DPP6: variants seen among roughly 807,000 people sequenced by gnomAD.
DPP6 encodes the protein A-type potassium channel modulatory protein DPP6.
A neutral mutation model predicts 122.6 loss-of-function variants in DPP6; 69 were observed. The observed-to-expected ratio is 0.56, with a 90% CI of 0.46 to 0.69. DPP6 has a LOEUF of 0.69. Among genes scored for constraint, DPP6 ranks in the 30% least tolerant of loss-of-function variants. DPP6 has a pLI of 0.00. For missense variants in DPP6, 928 were observed against 1,116.9 expected, an observed-to-expected ratio of 0.83 and a Z score of 2.41; for synonymous variants, 418 against 433.1, an observed-to-expected ratio of 0.97 and a Z score of 0.43.
chr7:153,937,629 A>T (rs562561086), intron 1 of DPP6, among the ~76,000 whole-genome samples: 2 of 151,880 alleles, frequency 1.3e-5, no homozygotes, highest in South Asian at 2.1e-4. Context: ...TGTATTTTTA[A>T]TAGAGATGGG....
chr7:154,794,341 G>T, intron 11 of DPP6, 139 bp downstream of exon 11: 1 of 1,360,444 alleles, frequency 7.4e-7, no homozygotes, highest in Middle Eastern at 2.7e-4. Flanking sequence ...GGAGCCCGCG[G>T]CGCAGAGTCC....
At chr7:154,621,530 A>G (rs976695276) in intron 5 of DPP6, among the ~76,000 whole-genome samples, 19 of 149,932 alleles carry the variant, frequency 1.3e-4, no homozygotes, top group South Asian at 4.2e-4. Context: ...CACCACACCC[A>G]GCTAATTTTT....
At position 154,801,338 on chromosome 7, in the gene DPP6, G is replaced by T. The variant is rs183713469; in HGVS notation, c.1300-17G>T. 2 of 1,568,700 alleles carry T rather than the reference G, an allele frequency of 1.3e-6. No individual in the cohort carries two copies. The highest frequency in any genetic ancestry group is 1.7e-6 in the Non-Finnish European group (2 of 1,155,044). On this transcript the variant is annotated splice_polypyrimidine_tract_variant and intron_variant, in intron 12 of 25. Transcript: ENST00000377770. ...TGATGTTTTAGTTGTGGTTTCATCC[G>T]TGGCCTTTGTCCACAGAATGAAGAA...
chr7:154,242,128 G>T (rs1801659530), intron 1 of DPP6, among the ~76,000 whole-genome samples: 1 of 152,116 alleles, frequency 6.6e-6, no homozygotes, highest in East Asian at 1.9e-4. Flanking sequence ...ACAACAAAGG[G>T]ACCTGTCATT....
intron 5 of DPP6, chr7:154,587,986 T>C (rs1453970717): frequency 1.2e-6 from 2 of 1,612,810 alleles, no homozygotes; most frequent in East Asian, 2.2e-5. Context: ...CTGTCCATTG[T>C]CATACGAGTG....
intron 1 of DPP6, among the ~76,000 whole-genome samples, chr7:154,106,829 G>C (rs1369414576): frequency 2.0e-5 from 3 of 152,106 alleles, no homozygotes; most frequent in Admixed American, 2.0e-4. Flanking sequence ...TCAGATCAGG[G>C]GCCTCCGGAA....
intron 1 of DPP6, among the ~76,000 whole-genome samples, chr7:153,989,202 T>C (rs1797013533): frequency 7.8e-6 from 1 of 127,420 alleles, no homozygotes; most frequent in Non-Finnish European, 1.6e-5. Flanking sequence ...AGTGGGTGGG[T>C]GGGTGTGAAA....
At chr7:153,889,810 G>A (rs1455277304) in intron 1 of DPP6, among the ~76,000 whole-genome samples, 2 of 152,126 alleles carry the variant, frequency 1.3e-5, no homozygotes, top group Non-Finnish European at 1.5e-5. Flanking sequence ...TTATTTGTGG[G>A]CCCAAGAAAA....
intron 1 of DPP6, among the ~76,000 whole-genome samples, chr7:154,021,199 C>T (rs1429834035): frequency 3.9e-5 from 6 of 152,148 alleles, no homozygotes; most frequent in East Asian, 3.9e-4. Flanking sequence ...ACTCTGCGAA[C>T]GTTTGCTGCT....
chr7:153,771,516 T>C, the DPP6 span, among the ~76,000 whole-genome samples: 1 of 152,118 alleles, frequency 6.6e-6, no homozygotes, highest in South Asian at 2.1e-4. Flanking sequence ...ATTTTTGTAT[T>C]TTTAGTAGAG....
the DPP6 span, among the ~76,000 whole-genome samples, chr7:153,835,254 A>G: frequency 6.6e-6 from 1 of 152,224 alleles, no homozygotes; most frequent in African/African-American, 2.4e-5. Flanking sequence ...GCTTTTAAGT[A>G]GCAGTGAACA....
chr7:154,307,339 T>G (rs11763405), intron 1 of DPP6, among the ~76,000 whole-genome samples: 1 of 152,128 alleles, frequency 6.6e-6, no homozygotes, highest in Non-Finnish European at 1.5e-5. Flanking sequence ...TAAACTGATA[T>G]AAAACTGAAG....
At chr7:154,563,869 G>C (rs989542576) in intron 4 of DPP6, among the ~76,000 whole-genome samples, 4 of 152,148 alleles carry the variant, frequency 2.6e-5, no homozygotes, top group Non-Finnish European at 5.9e-5. Context: ...GGTGGTCTGG[G>C]CTGGAGACAT....
chr7:154,830,254 T>A (rs1377336227), intron 16 of DPP6, among the ~76,000 whole-genome samples: 2 of 152,148 alleles, frequency 1.3e-5, no homozygotes, highest in Non-Finnish European at 2.9e-5. Context: ...CCATCTGGCT[T>A]CCTCTGTCTA....
intron 1 of DPP6, among the ~76,000 whole-genome samples, chr7:154,119,604 G>A (rs1408373362): frequency 1.2e-4 from 17 of 141,746 alleles, no homozygotes; most frequent in Admixed American, 2.2e-4. Context: ...TTGCAGGTGG[G>A]TCTCCAGACT....
chr7:154,883,393 C>A (rs1805618063), intron 21 of DPP6, among the ~76,000 whole-genome samples: 1 of 107,080 alleles, frequency 9.3e-6, no homozygotes, highest in African/African-American at 2.9e-5. Context: ...CCTGCTCACA[C>A]ACACACACAT....
At chr7:154,313,461 A>G (rs190755572) in intron 1 of DPP6, among the ~76,000 whole-genome samples, 231 of 152,056 alleles carry the variant, frequency 1.5e-3, no homozygotes, top group African/African-American at 5.2e-3. Context: ...ACGTGGCACG[A>G]GAGGCTCTTG....
At chr7:154,295,967 C>CA (rs1805513379) in intron 1 of DPP6, among the ~76,000 whole-genome samples, 1 of 127,532 alleles carries the variant, frequency 7.8e-6, no homozygotes, top group African/African-American at 3.0e-5. Context: ...TTTTTTGAGA[C>CA]AGAGTCTCTC....
At chr7:154,200,191 C>T (rs1463811320) in intron 1 of DPP6, among the ~76,000 whole-genome samples, 1 of 151,050 alleles carries the variant, frequency 6.6e-6, no homozygotes, top group Admixed American at 6.6e-5. Flanking sequence ...TTCCTGGCTC[C>T]TTTTTTTTTA....
Sources: allele counts gnomAD v4.1 joint callset (sites outside exome capture counted in the v4.1 genomes callset), GRCh38; gene constraint gnomAD v4.1.1; transcripts MANE v1.5; gene names NCBI Gene and HGNC (gene_info 2026-07-23, HGNC 2026-07-21).